KHDRBS2: variants seen among roughly 807,000 people sequenced by gnomAD.
The protein encoded by KHDRBS2 is KH RNA binding domain containing, signal transduction associated 2.
A neutral mutation model predicts 44.3 loss-of-function variants in KHDRBS2; 26 were observed. That is an observed-to-expected ratio of 0.59 (90% CI 0.43 to 0.81). The LOEUF is 0.81. Ranked by LOEUF, KHDRBS2 falls within the 40% of genes least tolerant of loss-of-function variation. The probability of loss-of-function intolerance (pLI) is 0.00; values close to 1 mark genes in which losing one functional copy is unlikely to be tolerated. For synonymous variants in KHDRBS2, 194 were observed against 151.1 expected (o/e 1.28, Z -2.08); for missense variants, 476 against 433.1 (o/e 1.10, Z -0.88).
intron 2 of KHDRBS2, among the ~76,000 whole-genome samples, chr6:62,078,995 T>C (rs1796879955): frequency 6.6e-6 from 1 of 152,008 alleles, no homozygotes; most frequent in South Asian, 2.1e-4. Context: ...CTGCATTCCT[T>C]CCTAACTGAC....
intron 6 of KHDRBS2, among the ~76,000 whole-genome samples, chr6:61,877,000 C>T (rs1016129689): frequency 2.6e-5 from 4 of 152,046 alleles, no homozygotes; most frequent in African/African-American, 9.7e-5. Context: ...TAAATCCAGC[C>T]TTGCCACCTG....
At chr6:62,055,256 GACTT>G (rs1281178106) in intron 2 of KHDRBS2, among the ~76,000 whole-genome samples, 1 of 151,852 alleles carries the variant, frequency 6.6e-6, no homozygotes, top group Non-Finnish European at 1.5e-5. Context: ...AAAGAAAAAA[GACTT>G]AATAGATAAA....
intron 2 of KHDRBS2, among the ~76,000 whole-genome samples, chr6:62,103,679 C>T (rs1802446436): frequency 6.6e-6 from 1 of 152,054 alleles, no homozygotes; most frequent in South Asian, 2.1e-4. Flanking sequence ...TTCCTGGCTC[C>T]CTGTGGCTCT....
chr6:61,792,559 A>G (rs1219654287), intron 6 of KHDRBS2, among the ~76,000 whole-genome samples: 1 of 151,676 alleles, frequency 6.6e-6, no homozygotes, highest in East Asian at 1.9e-4. Context: ...TACATAGAGT[A>G]TATCGTTGTA....
the KHDRBS2 span, among the ~76,000 whole-genome samples, chr6:61,667,736 T>C: frequency 6.6e-6 from 1 of 151,338 alleles, no homozygotes; most frequent in Non-Finnish European, 1.5e-5. Context: ...TAAATTGTCA[T>C]GAGGCTACTT....
the KHDRBS2 span, among the ~76,000 whole-genome samples, chr6:61,544,040 G>A: frequency 6.6e-6 from 1 of 151,982 alleles, no homozygotes; most frequent in Non-Finnish European, 1.5e-5. Context: ...TCTAGTATTT[G>A]ATAGCCCAAT....
chr6:61,755,534 AGGCACAGT>A (rs1403040202), intron 6 of KHDRBS2, among the ~76,000 whole-genome samples: 6 of 152,126 alleles, frequency 3.9e-5, no homozygotes, highest in Non-Finnish European at 8.8e-5. Flanking sequence ...GAGATTGGCC[AGGCACAGT>A]GGCTCATGTC....
chr6:61,945,785 A>G (rs1245349304), intron 4 of KHDRBS2, among the ~76,000 whole-genome samples: 3 of 152,118 alleles, frequency 2.0e-5, no homozygotes, highest in African/African-American at 7.2e-5. Context: ...AAAATATGAC[A>G]GGATTCCTAA....
At chr6:61,718,003 A>C (rs184889428) in intron 7 of KHDRBS2, among the ~76,000 whole-genome samples, 2 of 152,200 alleles carry the variant, frequency 1.3e-5, no homozygotes, top group African/African-American at 4.8e-5. Context: ...TAAATATATT[A>C]TACTTGGAAA....
At chr6:62,000,087 T>C (rs1777954925) in intron 3 of KHDRBS2, among the ~76,000 whole-genome samples, 1 of 152,106 alleles carries the variant, frequency 6.6e-6, no homozygotes, top group Non-Finnish European at 1.5e-5. Context: ...TGGACATCTT[T>C]AGGGGGCCCT....
chr6:61,893,335 G>T (rs1156992667), intron 6 of KHDRBS2, among the ~76,000 whole-genome samples: 1 of 152,180 alleles, frequency 6.6e-6, no homozygotes, highest in Non-Finnish European at 1.5e-5. Context: ...GTGGAAGTTG[G>T]TGTGGCCATT....
chr6:61,790,556 T>C (rs2127585220), intron 6 of KHDRBS2, among the ~76,000 whole-genome samples: 1 of 151,688 alleles, frequency 6.6e-6, no homozygotes, highest in Non-Finnish European at 1.5e-5. Context: ...TCACTTACTT[T>C]TTTAATCTGT....
At chr6:62,076,980 A>C (rs908012292) in intron 2 of KHDRBS2, among the ~76,000 whole-genome samples, 6 of 151,992 alleles carry the variant, frequency 3.9e-5, no homozygotes, top group Admixed American at 1.3e-4. Flanking sequence ...CAAGAGTTGA[A>C]GACTGCAATG....
intron 6 of KHDRBS2, among the ~76,000 whole-genome samples, chr6:61,814,322 C>T (rs1788565089): frequency 6.6e-6 from 1 of 152,102 alleles, no homozygotes; most frequent in Admixed American, 6.5e-5. Flanking sequence ...ACATTAAAAA[C>T]TATATGTGGC....
At chr6:61,968,676 C>T (rs1770656539) in intron 4 of KHDRBS2, among the ~76,000 whole-genome samples, 1 of 151,964 alleles carries the variant, frequency 6.6e-6, no homozygotes, top group Non-Finnish European at 1.5e-5. Context: ...CAAACCATGC[C>T]ACCTGCAAGT....
chr6:61,663,731 G>A, the KHDRBS2 span, among the ~76,000 whole-genome samples: 1 of 150,778 alleles, frequency 6.6e-6, no homozygotes, highest in African/African-American at 2.4e-5. Flanking sequence ...CAGTTATACT[G>A]CTTAATGACT....
intron 1 of KHDRBS2, among the ~76,000 whole-genome samples, chr6:62,215,862 C>T (rs901784743): frequency 4.0e-5 from 6 of 151,534 alleles, no homozygotes; most frequent in African/African-American, 1.5e-4. Flanking sequence ...TGGGATCTTA[C>T]TTAAATGAGA....
At chr6:62,278,384 G>A (rs2150194576) in intron 1 of KHDRBS2, among the ~76,000 whole-genome samples, 1 of 152,104 alleles carries the variant, frequency 6.6e-6, no homozygotes, top group African/African-American at 2.4e-5. Context: ...TATACATAAA[G>A]AGAAACTGAG....
chr6:61,718,924 A>G (rs1771893391), intron 7 of KHDRBS2, among the ~76,000 whole-genome samples: 1 of 152,142 alleles, frequency 6.6e-6, no homozygotes, highest in Non-Finnish European at 1.5e-5. Flanking sequence ...AGCCCTGATA[A>G]CTACAAATAT....
Sources: gnomAD v4.1 joint callset for allele counts (sites outside exome capture counted in the v4.1 genomes callset) on GRCh38, gnomAD v4.1.1 for gene constraint, MANE v1.5 for transcripts, NCBI Gene and HGNC (gene_info 2026-07-23, HGNC 2026-07-21) for gene names.